The following PAK3 variants were observed in gnomAD, a reference collection of about 807,000 sequenced individuals.
PAK3 encodes the protein serine/threonine-protein kinase PAK 3.
PAK3 carries 4 observed loss-of-function variants against 41.0 expected under a neutral mutation model. That is an observed-to-expected ratio of 0.10 (90% CI 0.05 to 0.22). The LOEUF (loss-of-function observed/expected upper bound fraction) is 0.22. Ranked by LOEUF, PAK3 falls within the 10% of genes least tolerant of loss-of-function variation. The pLI, the probability that PAK3 is intolerant of heterozygous loss-of-function variation, is 1.00. For synonymous variants in PAK3, 146 were observed against 139.6 expected (o/e 1.05, Z -0.32); for missense variants, 205 against 409.9 (o/e 0.50, Z 4.32).
intron 1 of PAK3, among the ~76,000 whole-genome samples, chrX:111,088,128 A>G (rs1250861781): frequency 9.0e-6 from 1 of 111,678 alleles, no homozygotes; most frequent in Non-Finnish European, 1.9e-5. Flanking sequence ...GCCAAGCACT[A>G]GCATTTTATA....
In PAK3 at chrX:111,223,589, G is replaced by C. The variant is rs908293656; in HGVS notation, c.*3142G>C. On this transcript the variant is annotated 3_prime_UTR_variant, in exon 18 of 18. Coordinates refer to ENST00000372007, the MANE Select transcript of PAK3 (RefSeq NM_002578.5). ...TTGTGAACTGCACCCCAATGTTTGA[G>C]TTTAACCACCTGATCCTTACATCTA... 2 of 110,460 alleles carry C rather than the reference G, an allele frequency of 1.8e-5. No individual in the cohort carries two copies. Among genetic ancestry groups the C allele is most frequent in the African/African-American group, 6.6e-5 (2 of 30,322 alleles). The allele number at this position is 110,460 out of a possible 1,213,427, so 9.1% of individuals were successfully genotyped here. A position where few individuals can be genotyped will look rare whatever the true frequency, so the allele number is the denominator to read the frequency against.
chrX:111,202,161 A>C (rs1020103033), intron 16 of PAK3, among the ~76,000 whole-genome samples: 1 of 111,838 alleles, frequency 8.9e-6, no homozygotes, highest in Non-Finnish European at 1.9e-5. Context: ...CCAGCTGAGC[A>C]GACCCTTTAT....
intron 1 of PAK3, among the ~76,000 whole-genome samples, chrX:110,976,649 C>T (rs750212641): frequency 2.7e-5 from 3 of 111,895 alleles, no homozygotes; most frequent in African/African-American, 9.7e-5. Flanking sequence ...ACTATAAAGA[C>T]ACATGCATAT....
chrX:110,997,665 G>A (rs2148680798), intron 1 of PAK3, among the ~76,000 whole-genome samples: 1 of 111,646 alleles, frequency 9.0e-6, no homozygotes, highest in East Asian at 2.8e-4. Context: ...GAAATATCAA[G>A]GAATTAGTTT....
At chrX:111,152,679 C>A (rs1490183706) in intron 8 of PAK3, 1 of 301,314 alleles carries the variant, frequency 3.3e-6, no homozygotes, top group Non-Finnish European at 5.9e-6. Context: ...AGTCCATCAC[C>A]CCAGTAAAAT....
At chrX:111,209,999 T>C (rs7884588) in intron 16 of PAK3, among the ~76,000 whole-genome samples, 15,011 of 111,553 alleles carry the variant, frequency 0.13, 2,433 homozygotes, top group African/African-American at 0.45. Flanking sequence ...CAGTTGCACA[T>C]CAGTGTCAGT....
At chrX:111,054,970 G>A (rs1009461227) in intron 1 of PAK3, among the ~76,000 whole-genome samples, 1 of 111,939 alleles carries the variant, frequency 8.9e-6, no homozygotes, top group African/African-American at 3.2e-5. Context: ...TATAGGAAAG[G>A]TCCTATAACT....
intron 1 of PAK3, among the ~76,000 whole-genome samples, chrX:110,992,097 AG>A (rs2091660349): frequency 9.0e-6 from 1 of 111,244 alleles, no homozygotes; most frequent in Non-Finnish European, 1.9e-5. Context: ...CTATAATTTT[AG>A]AGGGTGGTCA....
chrX:111,053,513 A>C (rs73539027), intron 1 of PAK3, among the ~76,000 whole-genome samples: 5,164 of 111,727 alleles, frequency 0.046, 292 homozygotes, highest in African/African-American at 0.16. Context: ...CCTATGTACT[A>C]TAATTGGCTG....
intron 1 of PAK3, among the ~76,000 whole-genome samples, chrX:111,017,542 T>C (rs1283185316): frequency 1.8e-5 from 2 of 111,806 alleles, no homozygotes; most frequent in Non-Finnish European, 3.8e-5. Context: ...TATTGAATTA[T>C]GAAGAAATAG....
At chrX:111,160,687 A>G (rs1300960593) in intron 8 of PAK3, among the ~76,000 whole-genome samples, 2 of 110,795 alleles carry the variant, frequency 1.8e-5, no homozygotes, top group Admixed American at 9.5e-5. Context: ...TCATTGTTCA[A>G]TTCCCACCTA....
chrX:111,154,873 A>G (rs1015376573), intron 8 of PAK3, among the ~76,000 whole-genome samples: 6 of 111,804 alleles, frequency 5.4e-5, no homozygotes, highest in African/African-American at 1.6e-4. Context: ...CAAAAAAAAA[A>G]TAGTTATTAT....
chrX:111,191,591 A>T (rs181161811), intron 11 of PAK3, among the ~76,000 whole-genome samples: 1 of 112,073 alleles, frequency 8.9e-6, no homozygotes, highest in Non-Finnish European at 1.9e-5. Flanking sequence ...AAAAATTGGA[A>T]ATATATGAAA....
intron 11 of PAK3, among the ~76,000 whole-genome samples, chrX:111,175,883 A>G (rs1197621812): frequency 1.8e-5 from 2 of 111,910 alleles, no homozygotes; most frequent in East Asian, 5.6e-4. Context: ...ACAACCTAAA[A>G]TGAAAAAATC....
intron 11 of PAK3, among the ~76,000 whole-genome samples, chrX:111,184,136 C>T (rs2094486496): frequency 1.8e-5 from 2 of 111,220 alleles, no homozygotes. Flanking sequence ...TTACTTTGTA[C>T]TATCTGAGGG....
At chrX:111,169,863 G>T (rs1035482607) in intron 10 of PAK3, among the ~76,000 whole-genome samples, 2 of 111,804 alleles carry the variant, frequency 1.8e-5, no homozygotes, top group African/African-American at 6.5e-5. Context: ...AGTGGTAAAT[G>T]ATGAGAAGAG....
At chrX:110,963,012 C>T (rs1359671691) in intron 1 of PAK3, among the ~76,000 whole-genome samples, 2 of 111,689 alleles carry the variant, frequency 1.8e-5, no homozygotes, top group East Asian at 5.6e-4. Context: ...TTCAGGGCTG[C>T]TGGTGCCTGT....
chrX:111,069,446 T>G (rs143643994), intron 1 of PAK3, among the ~76,000 whole-genome samples: 5 of 112,014 alleles, frequency 4.5e-5, no homozygotes, highest in African/African-American at 1.3e-4. Context: ...TCTTCAAACC[T>G]ACTGTTTCTA....
chrX:111,216,972 C>T, intron 17 of PAK3: 1 of 749,478 alleles, frequency 1.3e-6, no homozygotes, highest in East Asian at 1.5e-4. Flanking sequence ...GGTCAAAGCC[C>T]CTTTGCTTGT....
Sources: gnomAD v4.1 joint callset for allele counts (sites outside exome capture counted in the v4.1 genomes callset) on GRCh38, gnomAD v4.1.1 for gene constraint, MANE v1.5 for transcripts, NCBI Gene and HGNC (gene_info 2026-07-23, HGNC 2026-07-21) for gene names.